EPHB1: variants seen among roughly 807,000 people sequenced by gnomAD.
EPHB1 encodes ephrin type-B receptor 1.
EPHB1 carries 30 observed loss-of-function variants against 94.4 expected under a neutral mutation model. That is an observed-to-expected ratio of 0.32 (90% CI 0.24 to 0.43). The LOEUF (loss-of-function observed/expected upper bound fraction) is 0.43. Among genes scored for constraint, EPHB1 ranks in the 20% least tolerant of loss-of-function variants. EPHB1 has a pLI of 1.00. For missense variants in EPHB1, 1,055 were observed against 1,308.3 expected, an observed-to-expected ratio of 0.81 and a Z score of 2.99; for synonymous variants, 522 against 489.1, an observed-to-expected ratio of 1.07 and a Z score of -0.89.
chr3:134,804,497 T>C (rs2035998556), intron 1 of EPHB1, among the ~76,000 whole-genome samples: 1 of 152,130 alleles, frequency 6.6e-6, no homozygotes, highest in South Asian at 2.1e-4. Flanking sequence ...TTGTCTTTGA[T>C]AAGCTGTGTT....
At chr3:135,207,397 T>A (rs568956444) in intron 12 of EPHB1, among the ~76,000 whole-genome samples, 2 of 152,124 alleles carry the variant, frequency 1.3e-5, no homozygotes, top group South Asian at 4.2e-4. Flanking sequence ...TTTATTCAAG[T>A]GACAAATATT....
At chr3:135,138,590 A>G (rs937273378) in intron 5 of EPHB1, among the ~76,000 whole-genome samples, 1 of 152,212 alleles carries the variant, frequency 6.6e-6, no homozygotes, top group Non-Finnish European at 1.5e-5. Flanking sequence ...TGCTGAAGCC[A>G]GTTCATTTTT....
chr3:135,142,063 G>A (rs1168949170), intron 5 of EPHB1, among the ~76,000 whole-genome samples: 1 of 152,218 alleles, frequency 6.6e-6, no homozygotes, highest in African/African-American at 2.4e-5. Flanking sequence ...TGCATAATTT[G>A]TGGAGAGTTT....
At chr3:134,839,456 A>G (rs1386566606) in intron 1 of EPHB1, among the ~76,000 whole-genome samples, 1 of 152,052 alleles carries the variant, frequency 6.6e-6, no homozygotes, top group East Asian at 1.9e-4. Context: ...AGCAAATCCT[A>G]GGGAGGGAAA....
chr3:135,137,405 C>A (rs190739010), intron 5 of EPHB1, among the ~76,000 whole-genome samples: 11 of 152,252 alleles, frequency 7.2e-5, no homozygotes, highest in African/African-American at 2.6e-4. Context: ...CAAAGAAATC[C>A]AATTCTGGAT....
chr3:134,857,136 G>C (rs9814170), intron 1 of EPHB1, among the ~76,000 whole-genome samples: 1 of 152,026 alleles, frequency 6.6e-6, no homozygotes, highest in Admixed American at 6.5e-5. Context: ...CCAGCCTTGG[G>C]GGGCAGGGAG....
chr3:135,179,484 A>G (rs986575909), intron 9 of EPHB1, among the ~76,000 whole-genome samples: 1 of 152,080 alleles, frequency 6.6e-6, no homozygotes, highest in Non-Finnish European at 1.5e-5. Context: ...ATTGATATCT[A>G]CCCTACCATT....
At chr3:135,223,753 A>G (rs2107721198) in intron 12 of EPHB1, among the ~76,000 whole-genome samples, 1 of 152,370 alleles carries the variant, frequency 6.6e-6, no homozygotes, top group East Asian at 1.9e-4. Flanking sequence ...TCAATTAACA[A>G]GAGGATTTTT....
At chr3:135,186,582 A>G (rs2107707668) in intron 10 of EPHB1, among the ~76,000 whole-genome samples, 1 of 152,194 alleles carries the variant, frequency 6.6e-6, no homozygotes, top group East Asian at 1.9e-4. Flanking sequence ...TGACTTCAAA[A>G]TGCTGCTTTT....
chr3:134,822,783 T>C (rs1025516163), intron 1 of EPHB1, among the ~76,000 whole-genome samples: 1 of 152,174 alleles, frequency 6.6e-6, no homozygotes, highest in Admixed American at 6.5e-5. Flanking sequence ...CTGGTCACCT[T>C]GGAAGAGATT....
At chr3:135,027,128 G>A (rs1218015108) in intron 3 of EPHB1, among the ~76,000 whole-genome samples, 1 of 149,548 alleles carries the variant, frequency 6.7e-6, no homozygotes. Flanking sequence ...AGACAATGGG[G>A]TTTTCTACAT....
At chr3:135,020,604 G>T (rs1002217464) in intron 3 of EPHB1, among the ~76,000 whole-genome samples, 1 of 152,124 alleles carries the variant, frequency 6.6e-6, no homozygotes, top group Non-Finnish European at 1.5e-5. Context: ...ACCTCAATTT[G>T]CCATTAGACT....
chr3:134,930,257 A>G (rs1251282662), intron 2 of EPHB1, among the ~76,000 whole-genome samples: 1 of 152,272 alleles, frequency 6.6e-6, no homozygotes, highest in Non-Finnish European at 1.5e-5. Context: ...CCCACAAATC[A>G]TTCTCAGTTT....
chr3:134,999,503 CA>C (rs1333305940), intron 3 of EPHB1, among the ~76,000 whole-genome samples: 1 of 152,184 alleles, frequency 6.6e-6, no homozygotes, highest in African/African-American at 2.4e-5. Context: ...AAGGAAAGTG[CA>C]GGTGACTTGG....
At chr3:134,852,245 C>A (rs2037003088) in intron 1 of EPHB1, among the ~76,000 whole-genome samples, 1 of 152,114 alleles carries the variant, frequency 6.6e-6, no homozygotes, top group Non-Finnish European at 1.5e-5. Flanking sequence ...TGCCTTGACC[C>A]TAAATCTATA....
chr3:134,952,105 A>G, intron 3 of EPHB1, 53 bp downstream of exon 3: 1 of 1,527,934 alleles, frequency 6.5e-7, no homozygotes, highest in Non-Finnish European at 8.8e-7. Context: ...CCAGATCTGC[A>G]AGGTTTCCCC....
chr3:134,977,359 C>T (rs1404480794), intron 3 of EPHB1, among the ~76,000 whole-genome samples: 1 of 152,218 alleles, frequency 6.6e-6, no homozygotes, highest in African/African-American at 2.4e-5. Context: ...CTCCTGCATC[C>T]TGCATTCCTT....
At chr3:135,126,498 A>T (rs150342313) in intron 4 of EPHB1, among the ~76,000 whole-genome samples, 2 of 152,328 alleles carry the variant, frequency 1.3e-5, no homozygotes, top group Non-Finnish European at 2.9e-5. Flanking sequence ...CAGGAAGCAG[A>T]GATACAGGTA....
At position 134,951,354 on chromosome 3, in the gene EPHB1, T is replaced by C; in HGVS notation, c.124-17T>C. ...TTGTGTTTTTGCATGTGTGTGCCTG[T>C]GGCCTGCTATGTACAGTGGGAAGAA... is the stretch of plus-strand genomic sequence containing the variant. On this transcript the variant is annotated splice_polypyrimidine_tract_variant and intron_variant, in intron 2 of 15. Transcript: ENST00000398015. The surrounding 1 kb of genome is among the most constrained non-coding windows in gnomAD (Gnocchi z 4.5). 6.6e-7 allele frequency: 1 copy of C among 1,524,748 alleles called. No individual in the cohort carries two copies. Among genetic ancestry groups the C allele is most frequent in the Non-Finnish European group, 8.8e-7 (1 of 1,135,894 alleles). The allele number at this position is 1,524,748 out of a possible 1,614,324, so 94.5% of individuals were successfully genotyped here. A position where few individuals can be genotyped will look rare whatever the true frequency, so the allele number is the denominator to read the frequency against.
Sources: allele counts gnomAD v4.1 joint callset (sites outside exome capture counted in the v4.1 genomes callset), GRCh38; gene constraint gnomAD v4.1.1; non-coding constraint Gnocchi (gnomAD v3.1); transcripts MANE v1.5; gene names NCBI Gene and HGNC (gene_info 2026-07-23, HGNC 2026-07-21).